ZBBX: variants seen among roughly 807,000 people sequenced by gnomAD.
ZBBX encodes the protein zinc finger B-box domain-containing protein 1.
In ZBBX, 101 loss-of-function variants were observed where a neutral mutation model predicts 108.5. The observed-to-expected ratio is 0.93, with a 90% confidence interval of 0.79 to 1.10. ZBBX has a LOEUF of 1.10. Ranked by LOEUF, ZBBX falls within the 50% of genes least tolerant of loss-of-function variation. The probability of loss-of-function intolerance (pLI) is 0.00; values close to 1 mark genes in which losing one functional copy is unlikely to be tolerated. For missense variants in ZBBX, 1,009 were observed against 941.4 expected (o/e 1.07, Z -0.94); for synonymous variants, 356 against 323.4 (o/e 1.10, Z -1.08).
chr3:167,294,633 G>C (rs1406360627), intron 18 of ZBBX, among the ~76,000 whole-genome samples: 1 of 152,142 alleles, frequency 6.6e-6, no homozygotes, highest in Non-Finnish European at 1.5e-5. Flanking sequence ...ACATAGGCAT[G>C]GGCAAAGGCT....
intron 1 of ZBBX, among the ~76,000 whole-genome samples, chr3:167,404,971 A>T (rs1291575960): frequency 6.6e-6 from 1 of 152,176 alleles, no homozygotes; most frequent in Non-Finnish European, 1.5e-5. Flanking sequence ...GTTTGAAAAT[A>T]ATAGAAACTG....
rs192118570 is a variant in ZBBX at position 167,287,282 on chromosome 3, T to C, written c.1996+1585A>G. 1.2e-3 allele frequency among the ~76,000 whole-genome samples: 180 copies of C among 152,270 alleles called. 1 individual carries two copies. The highest frequency in any genetic ancestry group is 4.1e-3 in the African/African-American group (171 of 41,582). On this transcript the variant is annotated intron_variant, in intron 19 of 21. Transcript: ENST00000675490. ...CATTTTATATATATCAAAAAATTTA[T>C]AGCACTTTTCTCAAAATATGGTATT... is the stretch of plus-strand genomic sequence containing the variant.
At chr3:167,331,632 C>T in intron 10 of ZBBX, 2 of 985,380 alleles carry the variant, frequency 2.0e-6, no homozygotes, top group Non-Finnish European at 2.4e-6. Flanking sequence ...TTAAACGTTT[C>T]AGCTCAAAAC....
chr3:167,237,217 A>T (rs1030468044), downstream of ZBBX, among the ~76,000 whole-genome samples: 1 of 151,866 alleles, frequency 6.6e-6, no homozygotes, highest in Non-Finnish European at 1.5e-5. Flanking sequence ...GTGTTATGTG[A>T]CATACTCAGC....
intron 20 of ZBBX, among the ~76,000 whole-genome samples, chr3:167,280,314 G>A (rs1728553649): frequency 6.6e-6 from 1 of 150,522 alleles, no homozygotes; most frequent in Non-Finnish European, 1.5e-5. Context: ...GAGTGAACAG[G>A]TAACCTATAA....
At chr3:167,350,732 G>A (rs1230003467) in intron 8 of ZBBX, among the ~76,000 whole-genome samples, 5 of 151,554 alleles carry the variant, frequency 3.3e-5, no homozygotes, top group African/African-American at 7.3e-5. Flanking sequence ...AAACTAATTC[G>A]AAAACACTAA....
intron 16 of ZBBX, among the ~76,000 whole-genome samples, chr3:167,307,803 A>G (rs1271581553): frequency 6.6e-6 from 1 of 152,210 alleles, no homozygotes; most frequent in East Asian, 1.9e-4. Flanking sequence ...TACCATATAC[A>G]AAAATTAACT....
At chr3:167,393,344 T>C (rs1748135665) in intron 1 of ZBBX, among the ~76,000 whole-genome samples, 1 of 151,956 alleles carries the variant, frequency 6.6e-6, no homozygotes, top group African/African-American at 2.4e-5. Flanking sequence ...AAGCTCCTTT[T>C]AGCATCTTAA....
chr3:167,247,546 G>A lies in ZBBX; in HGVS notation c.2255-4903C>T, dbSNP rs962185641. On this transcript the variant is annotated intron_variant, in intron 20 of 21. Transcript: ENST00000675490. ...TCCTCTGTCCTTGTGACAAGCTAGA[G>A]GGTCTAATTGAGCTGGTTAACACAA... 9.2e-5 allele frequency among the ~76,000 whole-genome samples: 14 copies of A among 152,174 alleles called. 1 individual carries two copies. Among genetic ancestry groups the A allele is most frequent in the Admixed American group, 9.2e-4 (14 of 15,280 alleles).
In ZBBX at chr3:167,265,012, C is replaced by T. The variant is rs1428783079; in HGVS notation, c.2254+17226G>A. On this transcript the variant is annotated intron_variant, in intron 20 of 21. Transcript: ENST00000675490. ...CCATGCCAGGCCAAGTCTAGAAATA[C>T]TGTTCAAGAATCTAGGTCTGGACTT... is the stretch of plus-strand genomic sequence containing the variant. 3.9e-5 allele frequency among the ~76,000 whole-genome samples: 6 copies of T among 152,250 alleles called. No individual in the cohort carries two copies. The East Asian group carries it at 7.7e-4, about 20-fold the overall frequency.
intron 20 of ZBBX, chr3:167,248,538 A>T: frequency 2.3e-6 from 1 of 434,994 alleles, no homozygotes; most frequent in South Asian, 1.6e-5. Flanking sequence ...GCCCCTGCTG[A>T]CTGATAACTG....
At chr3:167,227,708 A>G in the ZBBX span, among the ~76,000 whole-genome samples, 1 of 151,674 alleles carries the variant, frequency 6.6e-6, no homozygotes, top group African/African-American at 2.4e-5. Context: ...TTCAGGGACC[A>G]CTTTTCCCAA....
chr3:167,263,130 T>C (rs964630215), intron 20 of ZBBX, among the ~76,000 whole-genome samples: 2 of 147,910 alleles, frequency 1.4e-5, no homozygotes, highest in African/African-American at 5.0e-5. Flanking sequence ...CTTCACCTCC[T>C]GGCTCAAGCA....
At position 167,330,868 on chromosome 3, in the gene ZBBX, GAGGAGA is replaced by G. The variant is rs1447029013; in HGVS notation, c.688-2758_688-2753del. Among the ~76,000 whole-genome samples the G allele has an allele frequency of 3.5e-3, 151 of 43,322 alleles. 5 individuals carry two copies. The highest frequency in any genetic ancestry group is 8.4e-3 in the African/African-American group (75 of 8,900). 28.4% of individuals were successfully genotyped at this position (43,322 alleles called of 152,430 possible). ...AGAGGAGGAGGAGGAGGAGGAGGAGGAGGAGAAGAAGAAGAAGAAGAAGAAGAAGAA... is the reference window on the plus strand; with the variant it reads ...AGAGGAGGAGGAGGAGGAGGAGGAGGAGAAGAAGAAGAAGAAGAAGAAGAA... On this transcript the variant is annotated intron_variant, in intron 10 of 21. Coordinates refer to ENST00000675490, the MANE Select transcript of ZBBX (RefSeq NM_001199201.2).
rs139039051 is a variant in ZBBX at position 167,359,072 on chromosome 3, T to C, written c.432+798A>G. On this transcript the variant is annotated intron_variant, in intron 8 of 21. Coordinates refer to ENST00000675490, the MANE Select transcript of ZBBX (RefSeq NM_001199201.2). ...TTGAAACAACCCAAATGTCATTCAA[T>C]GTATGAATGGATAAACAAATTGTGT... is the stretch of plus-strand genomic sequence containing the variant. Among the ~76,000 whole-genome samples the C allele has an allele frequency of 1.4e-3, 212 of 151,888 alleles. 1 individual carries two copies. Among genetic ancestry groups the C allele is most frequent in the Non-Finnish European group, 3.1e-4 (21 of 67,980 alleles).
chr3:167,359,848 A>G, intron 8 of ZBBX, 22 bp downstream of exon 8: 2 of 1,229,118 alleles, frequency 1.6e-6, no homozygotes, highest in Non-Finnish European at 1.1e-6. Flanking sequence ...GTATATGTAT[A>G]TATACTATAT....
In ZBBX at chr3:167,322,226, C is replaced by A; in HGVS notation, c.874G>T (p.Glu292Ter). 1 of 1,463,350 alleles carries A rather than the reference C, an allele frequency of 6.8e-7. No individual in the cohort carries two copies. Among genetic ancestry groups the A allele is most frequent in the South Asian group, 1.6e-5 (1 of 62,964 alleles). The allele number at this position is 1,463,350 out of a possible 1,614,324, so 90.6% of individuals were successfully genotyped here. The change falls in exon 12 of 22, where the codon GAA (glutamate) becomes TAA (stop). Residue 292 changes from glutamate to a stop codon, truncating the protein, a stop_gained. Transcript: ENST00000675490. LOFTEE classifies it high-confidence loss of function. ...LHAAVKDSLE[E>*]CEVQTNLKIW... ...TTCAGATTAGTCTGTACTTCGCATT[C>A]TTCCAATGAGTCTGTAAAAATAAAC...
At chr3:167,330,871 G>GAAGAAGAAGACGAAGAAGAAGAAGAAGA (rs1553820669) in intron 10 of ZBBX, among the ~76,000 whole-genome samples, 1 of 43,916 alleles carries the variant, frequency 2.3e-5, no homozygotes, top group African/African-American at 8.1e-5. Flanking sequence ...GGAGGAGGAG[G>GAAGAAGAAGACGAAGAAGAAGAAGAAGA]AGAAGAAGAA....
chr3:167,391,617 G>A (rs895180891), intron 1 of ZBBX, among the ~76,000 whole-genome samples: 7 of 151,834 alleles, frequency 4.6e-5, no homozygotes, highest in African/African-American at 1.5e-4. Flanking sequence ...TTTGGCCTTG[G>A]GCTTTTTTTG....
Sources: allele counts gnomAD v4.1 joint callset (sites outside exome capture counted in the v4.1 genomes callset), GRCh38; gene constraint gnomAD v4.1.1; transcripts MANE v1.5; gene names NCBI Gene and HGNC (gene_info 2026-07-23, HGNC 2026-07-21).